The following PLXDC2 variants were observed in gnomAD, a reference collection of about 807,000 sequenced individuals.
The protein encoded by PLXDC2 is plexin domain containing 2.
PLXDC2 carries 40 observed loss-of-function variants against 68.9 expected under a neutral mutation model. The ratio of observed to expected loss-of-function variants is 0.58; its 90% confidence interval spans 0.45 to 0.76. The LOEUF is 0.76. Ranked by LOEUF, PLXDC2 falls within the 30% of genes least tolerant of loss-of-function variation. The probability of loss-of-function intolerance (pLI) is 0.00; values close to 1 mark genes in which losing one functional copy is unlikely to be tolerated. For synonymous variants in PLXDC2, 243 were observed against 234.2 expected, an observed-to-expected ratio of 1.04 and a Z score of -0.34; for missense variants, 644 against 661.9, an observed-to-expected ratio of 0.97 and a Z score of 0.30.
At chr10:20,042,313 A>G (rs1459218328) in intron 2 of PLXDC2, among the ~76,000 whole-genome samples, 1 of 152,182 alleles carries the variant, frequency 6.6e-6, no homozygotes, top group African/African-American at 2.4e-5. Context: ...TCTGAGGAGT[A>G]TAATTTTCAC....
intron 4 of PLXDC2, among the ~76,000 whole-genome samples, chr10:20,083,085 A>G (rs991340824): frequency 6.6e-6 from 1 of 152,186 alleles, no homozygotes. Context: ...ACAAGAAACT[A>G]TTAATAGTGG....
In PLXDC2 at chr10:20,082,236, ATCAATAT is replaced by A. The variant is rs528517010; in HGVS notation, c.541+14005_541+14011del. Among the ~76,000 whole-genome samples the A allele has an allele frequency of 6.6e-4, 101 of 151,890 alleles. 1 individual carries two copies. Among genetic ancestry groups the A allele is most frequent in the African/African-American group, 2.1e-3 (89 of 41,462 alleles). ...TAGTTAATAATTCAGCTAATTATAT[ATCAATAT>A]TCAATATCAATAATTCAGCTAATAA... On this transcript the variant is annotated intron_variant, in intron 4 of 13. Transcript: ENST00000377252.
intron 1 of PLXDC2, among the ~76,000 whole-genome samples, chr10:19,983,344 A>G (rs1834584516): frequency 6.6e-6 from 1 of 152,360 alleles, no homozygotes; most frequent in South Asian, 2.1e-4. Context: ...AAGAAAGGAA[A>G]GAAACACTTT....
At chr10:20,175,114 A>G (rs1374161147) in intron 7 of PLXDC2, among the ~76,000 whole-genome samples, 2 of 152,200 alleles carry the variant, frequency 1.3e-5, no homozygotes, top group African/African-American at 4.8e-5. Flanking sequence ...AAATGCAGCA[A>G]AAAACTTGTA....
chr10:20,276,430 G>A (rs1836007887), intron 13 of PLXDC2, among the ~76,000 whole-genome samples: 1 of 152,132 alleles, frequency 6.6e-6, no homozygotes, highest in Non-Finnish European at 1.5e-5. Context: ...CAAGAATTAG[G>A]GAGAATTCCT....
At chr10:20,065,424 A>G (rs1836188586) in intron 3 of PLXDC2, among the ~76,000 whole-genome samples, 1 of 152,122 alleles carries the variant, frequency 6.6e-6, no homozygotes, top group Non-Finnish European at 1.5e-5. Flanking sequence ...ATGCTAGGTA[A>G]TATAGAGCAG....
intron 7 of PLXDC2, among the ~76,000 whole-genome samples, chr10:20,174,182 G>A (rs1039550710): frequency 6.6e-5 from 10 of 152,096 alleles, no homozygotes; most frequent in African/African-American, 2.2e-4. Flanking sequence ...TTATGGAAAG[G>A]CCACATTATT....
chr10:19,904,010 A>G (rs1589528548), intron 1 of PLXDC2, among the ~76,000 whole-genome samples: 1 of 151,928 alleles, frequency 6.6e-6, no homozygotes, highest in Admixed American at 6.6e-5. Flanking sequence ...CCTTTTGGAG[A>G]TGATTTCCAA....
intron 2 of PLXDC2, among the ~76,000 whole-genome samples, chr10:20,028,618 T>C (rs1472015347): frequency 6.6e-6 from 1 of 152,214 alleles, no homozygotes; most frequent in Non-Finnish European, 1.5e-5. Context: ...GTCTCAGTTA[T>C]ACTAAGTCCT....
intron 1 of PLXDC2, among the ~76,000 whole-genome samples, chr10:19,866,089 T>G (rs1032589160): frequency 2.0e-5 from 3 of 152,236 alleles, no homozygotes; most frequent in Non-Finnish European, 2.9e-5. Flanking sequence ...GTAGTTTTCT[T>G]GGCTCTTTAG....
chr10:20,082,190 A>T (rs1159124270), intron 4 of PLXDC2, among the ~76,000 whole-genome samples: 1 of 151,916 alleles, frequency 6.6e-6, no homozygotes, highest in African/African-American at 2.4e-5. Flanking sequence ...CATTATGTAA[A>T]CAGAAAAATC....
At chr10:19,837,503 A>T (rs375573292) in intron 1 of PLXDC2, among the ~76,000 whole-genome samples, 2 of 151,786 alleles carry the variant, frequency 1.3e-5, no homozygotes, top group East Asian at 3.9e-4. Flanking sequence ...AAAGTAAAAG[A>T]TGATAAATGG....
At chr10:20,037,463 A>T (rs1306435654) in intron 2 of PLXDC2, among the ~76,000 whole-genome samples, 1 of 151,528 alleles carries the variant, frequency 6.6e-6, no homozygotes, top group African/African-American at 2.4e-5. Context: ...GCACTCATTA[A>T]CTCGTGATTT....
In PLXDC2 at chr10:20,141,993, T is replaced by A. The variant is rs545120548; in HGVS notation, c.542-1302T>A. On this transcript the variant is annotated intron_variant, in intron 4 of 13. Transcript: ENST00000377252. ...ATGAATAGCTAGAGTTCAATTATGC[T>A]TTTGATGAAAAGTTAAAAGGTATTC... Among the ~76,000 whole-genome samples the A allele has an allele frequency of 8.4e-3, 1,272 of 152,150 alleles. 15 individuals carry two copies. Among genetic ancestry groups the A allele is most frequent in the African/African-American group, 0.029 (1,206 of 41,554 alleles).
chr10:20,073,044 G>A (rs1836364162), intron 4 of PLXDC2, among the ~76,000 whole-genome samples: 1 of 152,196 alleles, frequency 6.6e-6, no homozygotes, highest in African/African-American at 2.4e-5. Context: ...GTTGACTACA[G>A]GCCATTCTAA....
At chr10:19,944,952 C>CAAACA (rs1394612971) in intron 1 of PLXDC2, among the ~76,000 whole-genome samples, 4 of 150,706 alleles carry the variant, frequency 2.7e-5, no homozygotes, top group Admixed American at 6.6e-5. Flanking sequence ...AACTCCATCT[C>CAAACA]AAACAAAACA....
intron 3 of PLXDC2, among the ~76,000 whole-genome samples, chr10:20,053,997 G>C (rs964931454): frequency 1.3e-5 from 2 of 152,050 alleles, no homozygotes; most frequent in African/African-American, 4.8e-5. Context: ...AATAACCCCT[G>C]TCAAAGAAAG....
At chr10:19,880,821 C>T (rs1196042187) in intron 1 of PLXDC2, among the ~76,000 whole-genome samples, 2 of 152,116 alleles carry the variant, frequency 1.3e-5, no homozygotes, top group African/African-American at 4.8e-5. Flanking sequence ...TCTTCAAGAA[C>T]CATTTAACAT....
chr10:20,232,337 C>T (rs1021633106), intron 12 of PLXDC2, among the ~76,000 whole-genome samples: 1 of 151,912 alleles, frequency 6.6e-6, no homozygotes. Flanking sequence ...TCCTTTTAAG[C>T]CAGGAATTCC....
Sources: allele counts gnomAD v4.1 joint callset (sites outside exome capture counted in the v4.1 genomes callset), GRCh38; gene constraint gnomAD v4.1.1; transcripts MANE v1.5; gene names NCBI Gene and HGNC (gene_info 2026-07-23, HGNC 2026-07-21).